Variants in NRG1 observed in about 807,000 individuals in gnomAD.
NRG1 encodes pro-neuregulin-1, membrane-bound isoform.
Under a neutral mutation model 63.8 loss-of-function variants are expected in NRG1, and 18 were observed. That is an observed-to-expected ratio of 0.28 (90% CI 0.19 to 0.42). NRG1 has a LOEUF of 0.42. Ranked by LOEUF, NRG1 falls within the 10% of genes least tolerant of loss-of-function variation. NRG1 has a pLI of 1.00. For synonymous variants in NRG1, 302 were observed against 301.3 expected, an observed-to-expected ratio of 1.00 and a Z score of -0.02; for missense variants, 762 against 814.7, an observed-to-expected ratio of 0.94 and a Z score of 0.79.
chr8:31,966,714 A>G (rs961475732), intron 1 of NRG1, among the ~76,000 whole-genome samples: 5 of 152,218 alleles, frequency 3.3e-5, no homozygotes, highest in Admixed American at 2.6e-4. Flanking sequence ...TTCTGGATCT[A>G]GTGAGAATAA....
At chr8:32,394,442 C>T (rs945915407) in intron 1 of NRG1, among the ~76,000 whole-genome samples, 2 of 152,200 alleles carry the variant, frequency 1.3e-5, no homozygotes, top group African/African-American at 2.4e-5. Flanking sequence ...TCCCTTGAAA[C>T]AGGCACAACC....
intron 1 of NRG1, among the ~76,000 whole-genome samples, chr8:32,477,894 G>A (rs1191287586): frequency 1.3e-5 from 2 of 152,234 alleles, no homozygotes; most frequent in Admixed American, 6.5e-5. Context: ...TGGAAACGAT[G>A]TTAGTAGAAA....
In NRG1 at chr8:32,003,626, G is replaced by C. The variant is rs1813295579; in HGVS notation, c.37+364195G>C. Reference sequence around the variant, plus strand: ...TTAAAAAATAAATAAATCAAGGATAGAAAATATTTGAAGAATATTGTATTC... The same window carrying C: ...TTAAAAAATAAATAAATCAAGGATACAAAATATTTGAAGAATATTGTATTC... On this transcript the variant is annotated intron_variant, in intron 1 of 10. Coordinates refer to the NRG1 transcript ENST00000519301. 2.0e-5 allele frequency among the ~76,000 whole-genome samples: 3 copies of C among 151,944 alleles called. No individual in the cohort carries two copies. In the South Asian group the frequency reaches 6.2e-4, roughly 31 times the overall value.
At chr8:32,241,165 A>T (rs1848064378) in intron 1 of NRG1, among the ~76,000 whole-genome samples, 1 of 152,122 alleles carries the variant, frequency 6.6e-6, no homozygotes, top group Non-Finnish European at 1.5e-5. Flanking sequence ...GTGGTTCAAG[A>T]ATCTGCATTT....
chr8:31,845,088 CAG>C (rs1348306670), intron 1 of NRG1, among the ~76,000 whole-genome samples: 3 of 151,218 alleles, frequency 2.0e-5, no homozygotes, highest in Non-Finnish European at 4.4e-5. Context: ...GCCTGGGCGA[CAG>C]GGTGAGACTC....
chr8:32,738,399 G>A (rs1242745192), intron 6 of NRG1, among the ~76,000 whole-genome samples: 7 of 150,294 alleles, frequency 4.7e-5, no homozygotes, highest in Non-Finnish European at 1.0e-4. Context: ...CTTCTAATCT[G>A]ATTAATGAAA....
intron 1 of NRG1, among the ~76,000 whole-genome samples, chr8:32,438,748 C>T (rs1819107952): frequency 1.3e-5 from 2 of 152,220 alleles, no homozygotes; most frequent in South Asian, 4.1e-4. Flanking sequence ...ATAGTGATAG[C>T]TCATTTTGGT....
At chr8:31,762,990 A>G (rs905387133) in intron 1 of NRG1, among the ~76,000 whole-genome samples, 1 of 152,210 alleles carries the variant, frequency 6.6e-6, no homozygotes, top group Admixed American at 6.5e-5. Flanking sequence ...AGACAAATTT[A>G]CCAGGGAATG....
At chr8:32,129,508 A>G (rs1301147223) in intron 1 of NRG1, among the ~76,000 whole-genome samples, 1 of 151,938 alleles carries the variant, frequency 6.6e-6, no homozygotes, top group Non-Finnish European at 1.5e-5. Flanking sequence ...AACCAATCAC[A>G]TTGGATTAGA....
Position 32,702,479 on chromosome 8 carries a change from G to A in NRG1, c.503-25470G>A, listed in dbSNP as rs767416978. Among the ~76,000 whole-genome samples, 30 of 152,252 alleles carry A rather than the reference G, an allele frequency of 2.0e-4. 1 individual carries two copies. The highest frequency in any genetic ancestry group is 3.8e-4 in the Non-Finnish European group (26 of 68,010). On this transcript the variant is annotated intron_variant, in intron 5 of 11. Coordinates refer to ENST00000356819, the Ensembl canonical transcript of NRG1. ...TGGATTAATATATGATTCTCTTGTC[G>A]GTATTACTATGAATTGTTCTTTTTT... is the stretch of plus-strand genomic sequence containing the variant.
At chr8:32,552,568 C>T (rs545813562) in intron 1 of NRG1, among the ~76,000 whole-genome samples, 13 of 152,098 alleles carry the variant, frequency 8.5e-5, no homozygotes, top group East Asian at 1.9e-4. Context: ...AACATTCTTG[C>T]GTATAAAGTA....
chr8:32,164,103 A>G (rs79368782), intron 1 of NRG1, among the ~76,000 whole-genome samples: 1,823 of 151,940 alleles, frequency 0.012, 42 homozygotes, highest in African/African-American at 0.042. Context: ...GGACCTTTTC[A>G]TCCTTCTTTA....
chr8:31,897,741 A>C (rs1207010508), intron 1 of NRG1, among the ~76,000 whole-genome samples: 1 of 152,050 alleles, frequency 6.6e-6, no homozygotes, highest in Non-Finnish European at 1.5e-5. Flanking sequence ...CTGTCCGGGC[A>C]TAGTGGCTCA....
At chr8:31,658,419 G>C (rs1805638871) in intron 1 of NRG1, among the ~76,000 whole-genome samples, 1 of 152,270 alleles carries the variant, frequency 6.6e-6, no homozygotes, top group South Asian at 2.1e-4. Context: ...GTGAGTACCA[G>C]CTGAGATCAT....
intron 1 of NRG1, among the ~76,000 whole-genome samples, chr8:31,695,682 G>T (rs1381156992): frequency 1.3e-5 from 2 of 152,162 alleles, no homozygotes; most frequent in Non-Finnish European, 2.9e-5. Flanking sequence ...TAGTTTCTGT[G>T]TATGTGTGAG....
chr8:31,991,150 T>C (rs1199696746), intron 1 of NRG1, among the ~76,000 whole-genome samples: 2 of 152,062 alleles, frequency 1.3e-5, no homozygotes, highest in Non-Finnish European at 1.5e-5. Context: ...TAAATGTAAA[T>C]GTCTGTCCTA....
At chr8:31,713,043 T>C (rs924981320) in intron 1 of NRG1, among the ~76,000 whole-genome samples, 1 of 150,936 alleles carries the variant, frequency 6.6e-6, no homozygotes, top group African/African-American at 2.4e-5. Context: ...CTTTTCTGCC[T>C]CTCTAGTCTA....
intron 1 of NRG1, among the ~76,000 whole-genome samples, chr8:32,327,325 C>A (rs11993297): frequency 0.021 from 3,140 of 152,270 alleles, 99 homozygotes; most frequent in African/African-American, 0.07. Flanking sequence ...TTCTGACTTG[C>A]ATAACTGAAT....
At chr8:32,293,193 T>C (rs1310285318) in intron 1 of NRG1, among the ~76,000 whole-genome samples, 1 of 152,212 alleles carries the variant, frequency 6.6e-6, no homozygotes, top group Non-Finnish European at 1.5e-5. Flanking sequence ...ATTGTTCCGT[T>C]ATATGATAAA....
Sources: allele counts gnomAD v4.1 joint callset (sites outside exome capture counted in the v4.1 genomes callset), GRCh38; gene constraint gnomAD v4.1.1; transcripts MANE v1.5; gene names NCBI Gene and HGNC (gene_info 2026-07-23, HGNC 2026-07-21).